BAZ1A: variants seen among roughly 807,000 people sequenced by gnomAD.
BAZ1A encodes the protein bromodomain adjacent to zinc finger domain 1A.
Under a neutral mutation model 185.2 loss-of-function variants are expected in BAZ1A, and 50 were observed. That is an observed-to-expected ratio of 0.27 (90% CI 0.22 to 0.34). The LOEUF (loss-of-function observed/expected upper bound fraction) is 0.34, where lower values mean the gene tolerates loss of function less well. Among genes scored for constraint, BAZ1A ranks in the 10% least tolerant of loss-of-function variants. The pLI, the probability that BAZ1A is intolerant of heterozygous loss-of-function variation, is 1.00. For synonymous variants in BAZ1A, 571 were observed against 615.6 expected (o/e 0.93, Z 1.07); for missense variants, 1,356 against 1,839.9 (o/e 0.74, Z 4.81).
At chr14:34,766,440 T>G (rs1878844610) in intron 21 of BAZ1A, among the ~76,000 whole-genome samples, 1 of 152,112 alleles carries the variant, frequency 6.6e-6, no homozygotes, top group Non-Finnish European at 1.5e-5. Context: ...AGCTCCTGTT[T>G]GCCTGTCGGG....
intron 25 of BAZ1A, among the ~76,000 whole-genome samples, chr14:34,757,038 G>A (rs1361266307): frequency 6.6e-6 from 1 of 152,100 alleles, no homozygotes; most frequent in Non-Finnish European, 1.5e-5. Flanking sequence ...CAAAAACATT[G>A]AGGTCATTGT....
chr14:34,800,963 G>T, intron 8 of BAZ1A, 131 bp downstream of exon 8: 1 of 614,970 alleles, frequency 1.6e-6, no homozygotes, highest in Non-Finnish European at 2.7e-6. Flanking sequence ...ATAGTTATCT[G>T]ATAGAAAAAA....
Position 34,784,199 on chromosome 14 carries a change from A to G in BAZ1A, c.1832-272T>C, listed in dbSNP as rs1566559742. ...GCCTGGCCAACATGGTGAAACCCCAACTCTACTAAAAATACAAAAATAGCT... is the reference window on the plus strand; with the variant it reads ...GCCTGGCCAACATGGTGAAACCCCAGCTCTACTAAAAATACAAAAATAGCT... On this transcript the variant is annotated intron_variant, in intron 14 of 26. Transcript: ENST00000360310. Among the ~76,000 whole-genome samples, 4 of 150,980 alleles carry G rather than the reference A, an allele frequency of 2.6e-5. No individual in the cohort carries two copies. In the South Asian group the frequency reaches 8.4e-4, roughly 32 times the overall value.
At chr14:34,834,055 T>A (rs1283764643) in intron 3 of BAZ1A, among the ~76,000 whole-genome samples, 1 of 152,124 alleles carries the variant, frequency 6.6e-6, no homozygotes, top group African/African-American at 2.4e-5. Context: ...CAGGAAATCA[T>A]ATCAAAACCT....
chr14:34,794,634 C>T, intron 11 of BAZ1A, 115 bp downstream of exon 11: 2 of 1,047,262 alleles, frequency 1.9e-6, no homozygotes, highest in Non-Finnish European at 1.4e-6. Context: ...TCTAGCCAGA[C>T]CAGAGAGATC....
chr14:34,782,686 A>G (rs1880118230), intron 16 of BAZ1A, among the ~76,000 whole-genome samples: 1 of 152,238 alleles, frequency 6.6e-6, no homozygotes, highest in East Asian at 1.9e-4. Context: ...GAGTTTTTTC[A>G]GAACTTTCCT....
At chr14:34,774,023 T>G (rs1203789367) in intron 19 of BAZ1A, among the ~76,000 whole-genome samples, 2 of 152,092 alleles carry the variant, frequency 1.3e-5, no homozygotes, top group African/African-American at 2.4e-5. Flanking sequence ...GAATACATTA[T>G]CAGCCATGAA....
At chr14:34,820,122 GTTTTTTTTT>G (rs59706713) in intron 4 of BAZ1A, among the ~76,000 whole-genome samples, 1 of 80,662 alleles carries the variant, frequency 1.2e-5, no homozygotes, top group Non-Finnish European at 2.2e-5. Context: ...TGGGTTCCTC[GTTTTTTTTT>G]TTTTTTTTTT....
intron 2 of BAZ1A, among the ~76,000 whole-genome samples, chr14:34,872,966 T>C (rs899522760): frequency 2.9e-5 from 4 of 139,758 alleles, no homozygotes; most frequent in South Asian, 2.4e-4. Context: ...TAATCCAAGT[T>C]CACTTAACTA....
At chr14:34,803,162 T>G (rs1881661822) in intron 6 of BAZ1A, among the ~76,000 whole-genome samples, 174 bp from the exon 7 acceptor site, 1 of 152,024 alleles carries the variant, frequency 6.6e-6, no homozygotes, top group Non-Finnish European at 1.5e-5. Flanking sequence ...GGGCGGATCA[T>G]GAGGTCAAGA....
At chr14:34,850,649 G>A (rs565432848) in intron 3 of BAZ1A, among the ~76,000 whole-genome samples, 1 of 152,300 alleles carries the variant, frequency 6.6e-6, no homozygotes, top group Non-Finnish European at 1.5e-5. Context: ...AGAAGATTAT[G>A]TACTACAATA....
chr14:34,874,397 C>T lies in BAZ1A; in HGVS notation c.113+95G>A. The stretch of plus-strand genomic sequence containing the variant: ...ACCCGTCACTTTCAAGTCGCCCCGC[C>T]AGAAGCCCAGGGCGAGGAAAAGGAG... On this transcript the variant is annotated intron_variant, in intron 2 of 26. Coordinates refer to ENST00000360310, the MANE Select transcript of BAZ1A (RefSeq NM_013448.3). This position sits in a 1 kb window ranked among gnomAD's most constrained non-coding sequence, Gnocchi z 4.7. 3 of 1,249,664 alleles carry T rather than the reference C, an allele frequency of 2.4e-6. No individual in the cohort carries two copies. The highest frequency in any genetic ancestry group is 1.1e-6 in the Non-Finnish European group (1 of 870,560). The allele number at this position is 1,249,664 out of a possible 1,614,324, so 77.4% of individuals were successfully genotyped here.
At chr14:34,805,194 C>T (rs764881528) in intron 6 of BAZ1A, among the ~76,000 whole-genome samples, 1 of 152,114 alleles carries the variant, frequency 6.6e-6, no homozygotes, top group African/African-American at 2.4e-5. Flanking sequence ...AACTGTGAGC[C>T]GATTAAACCT....
intron 12 of BAZ1A, among the ~76,000 whole-genome samples, chr14:34,792,545 A>G (rs1272836201): frequency 6.6e-6 from 1 of 152,228 alleles, no homozygotes; most frequent in African/African-American, 2.4e-5. Context: ...AAGGAATAAA[A>G]GCAAGATAGA....
chr14:34,840,996 C>G (rs2042406696), intron 3 of BAZ1A, among the ~76,000 whole-genome samples: 1 of 151,912 alleles, frequency 6.6e-6, no homozygotes, highest in Middle Eastern at 3.4e-3. Flanking sequence ...TTGTCCAGGA[C>G]AGAATGCAAT....
intron 23 of BAZ1A, among the ~76,000 whole-genome samples, chr14:34,763,516 A>G (rs1878581263): frequency 6.6e-6 from 1 of 152,116 alleles, no homozygotes; most frequent in South Asian, 2.1e-4. Context: ...GCCTGCTGAC[A>G]GAAAACCCCC....
intron 25 of BAZ1A, among the ~76,000 whole-genome samples, chr14:34,755,993 TTC>T (rs1486825389): frequency 1.4e-5 from 2 of 140,946 alleles, no homozygotes; most frequent in Admixed American, 6.9e-5. Flanking sequence ...GCTATTTTTT[TTC>T]TTTTTCTTTT....
rs1881152993 is a variant in BAZ1A, at chr14:34,795,761, C to T, written c.1133G>A (p.Arg378Lys). The T allele has an allele frequency of 6.2e-7, 1 of 1,608,308 alleles. No individual in the cohort carries two copies. Among genetic ancestry groups the T allele is most frequent in the Non-Finnish European group, 8.5e-7 (1 of 1,177,858 alleles). ...TCGCTTTTCTTCACGTAACTTCTCTCTTTCCTAGAAATTTTTAAAAGTTAA... is the reference window on the plus strand; with the variant it reads ...TCGCTTTTCTTCACGTAACTTCTCTTTTTCCTAGAAATTTTTAAAAGTTAA... ...ERLKVEREKE[R>K]EKLREEKRKY... is the part of the protein sequence containing the mutation. Residue 378 changes from arginine to lysine, a missense_variant, in exon 10 of 27, where the codon AGA (arginine) becomes AAA (lysine). Physicochemically the swap from Arg to Lys is conservative, Grantham distance 26. Coordinates refer to ENST00000360310, the MANE Select transcript of BAZ1A (RefSeq NM_013448.3).
At chr14:34,812,028 T>C (rs1430292674) in intron 4 of BAZ1A, among the ~76,000 whole-genome samples, 1 of 152,036 alleles carries the variant, frequency 6.6e-6, no homozygotes, top group Non-Finnish European at 1.5e-5. Context: ...CTACTCTAAA[T>C]AGTGAAGATT....
Sources: gnomAD v4.1 joint callset for allele counts (sites outside exome capture counted in the v4.1 genomes callset) on GRCh38, gnomAD v4.1.1 for gene constraint, Gnocchi (gnomAD v3.1) non-coding constraint, MANE v1.5 for transcripts, NCBI Gene and HGNC (gene_info 2026-07-23, HGNC 2026-07-21) for gene names.